The following TOLLIP variants were observed in gnomAD, a reference collection of about 807,000 sequenced individuals.
TOLLIP encodes toll-interacting protein.
TOLLIP carries 16 observed loss-of-function variants against 33.5 expected under a neutral mutation model. That is an observed-to-expected ratio of 0.48 (90% CI 0.32 to 0.72). The LOEUF (loss-of-function observed/expected upper bound fraction) is 0.72. Among genes scored for constraint, TOLLIP ranks in the 30% least tolerant of loss-of-function variants. The pLI, the probability that TOLLIP is intolerant of heterozygous loss-of-function variation, is 0.03. For missense variants in TOLLIP, 325 were observed against 396.6 expected (o/e 0.82, Z 1.53); for synonymous variants, 176 against 163.7 (o/e 1.07, Z -0.57).
chr11:1,287,240 G>A (rs1196159653), intron 4 of TOLLIP, among the ~76,000 whole-genome samples: 1 of 152,228 alleles, frequency 6.6e-6, no homozygotes, highest in Non-Finnish European at 1.5e-5. Flanking sequence ...GCGTCATGAT[G>A]GTTCTGTGTT....
At chr11:1,295,142 G>C (rs1236775955) in intron 2 of TOLLIP, among the ~76,000 whole-genome samples, 1 of 152,248 alleles carries the variant, frequency 6.6e-6, no homozygotes, top group Admixed American at 6.5e-5. Flanking sequence ...CGGTTTTCGT[G>C]TGATCAAAAT....
At chr11:1,282,082 T>C (rs1863520459) in intron 5 of TOLLIP, among the ~76,000 whole-genome samples, 1 of 152,190 alleles carries the variant, frequency 6.6e-6, no homozygotes, top group Non-Finnish European at 1.5e-5. Flanking sequence ...AAAAAATACT[T>C]CAAAGGCTCC....
At chr11:1,279,699 G>C (rs1863433964) in intron 5 of TOLLIP, among the ~76,000 whole-genome samples, 1 of 152,252 alleles carries the variant, frequency 6.6e-6, no homozygotes, top group Non-Finnish European at 1.5e-5. Flanking sequence ...TGAATCTGCT[G>C]TCATATCTTG....
chr11:1,292,147 T>G (rs1333706746), intron 2 of TOLLIP: 1 of 152,270 alleles, frequency 6.6e-6, no homozygotes, highest in Non-Finnish European at 1.5e-5. Flanking sequence ...ATGCTCAGCC[T>G]CTAGCAGCTT....
intron 4 of TOLLIP, among the ~76,000 whole-genome samples, chr11:1,286,662 A>G (rs1391614602): frequency 2.6e-5 from 4 of 151,758 alleles, no homozygotes; most frequent in Admixed American, 6.6e-5. Context: ...TCAACTGTGG[A>G]TAAGTCACTG....
At chr11:1,289,424 C>T (rs186650388) in intron 3 of TOLLIP, among the ~76,000 whole-genome samples, 63 of 152,362 alleles carry the variant, frequency 4.1e-4, no homozygotes, top group Middle Eastern at 3.4e-3. Context: ...GCAGCAGCCT[C>T]GCCACATCCC....
At chr11:1,299,982 T>A (rs1864220249) in intron 1 of TOLLIP, among the ~76,000 whole-genome samples, 1 of 152,174 alleles carries the variant, frequency 6.6e-6, no homozygotes, top group African/African-American at 2.4e-5. Flanking sequence ...GAGGCCTCTG[T>A]CGACACCAAC....
intron 3 of TOLLIP, chr11:1,289,968 G>A (rs1863881133): frequency 2.1e-6 from 1 of 480,022 alleles, no homozygotes; most frequent in South Asian, 2.6e-5. Flanking sequence ...CAGCGGAGGG[G>A]ACACGTGCAC....
At chr11:1,295,389 A>C in intron 2 of TOLLIP, 3 of 354,990 alleles carry the variant, frequency 8.5e-6, no homozygotes, top group East Asian at 4.4e-5. Flanking sequence ...GCCTGGTGGA[A>C]GAGCCAGGCC....
At chr11:1,295,053 C>T (rs536536533) in intron 2 of TOLLIP, among the ~76,000 whole-genome samples, 38 of 129,162 alleles carry the variant, frequency 2.9e-4, no homozygotes, top group African/African-American at 1.1e-3. Context: ...GCGTGGCTCA[C>T]AGTGTGTCTC....
intron 4 of TOLLIP, among the ~76,000 whole-genome samples, chr11:1,287,088 C>T (rs563153436): frequency 3.3e-5 from 5 of 151,236 alleles, no homozygotes; most frequent in Non-Finnish European, 5.9e-5. Context: ...GCACCGCTGC[C>T]GTCTCTGAGT....
At chr11:1,298,543 A>C (rs915869277) in intron 1 of TOLLIP, 6 of 152,284 alleles carry the variant, frequency 3.9e-5, no homozygotes, top group African/African-American at 1.4e-4. Flanking sequence ...GTGTCCGTTA[A>C]AGACAGTGGG....
chr11:1,277,320 T>A lies in TOLLIP; in HGVS notation c.611-67A>T. The stretch of plus-strand genomic sequence containing the variant: ...CCAGAAGTGCCACACTAGCTCCTGC[T>A]GAAGGAAGAAAACAACGCATCCCAC... On this transcript the variant is annotated intron_variant, in intron 5 of 5. Coordinates refer to ENST00000317204, the MANE Select transcript of TOLLIP (RefSeq NM_019009.4). This position sits in a 1 kb window ranked among gnomAD's most constrained non-coding sequence, Gnocchi z 4.2. 7.5e-7 allele frequency: 1 copy of A among 1,328,866 alleles called. No homozygotes were observed. Among genetic ancestry groups the A allele is most frequent in the Non-Finnish European group, 1.0e-6 (1 of 984,752 alleles). 82.3% of individuals were successfully genotyped at this position (1,328,866 alleles called of 1,614,324 possible).
At chr11:1,294,238 C>T (rs1191969208) in intron 2 of TOLLIP, among the ~76,000 whole-genome samples, 5 of 131,106 alleles carry the variant, frequency 3.8e-5, no homozygotes, top group Non-Finnish European at 6.3e-5. Flanking sequence ...TGCATTTCTA[C>T]GAAAGCCCGC....
intron 2 of TOLLIP, among the ~76,000 whole-genome samples, chr11:1,292,754 C>G (rs572819056): frequency 6.6e-6 from 1 of 152,246 alleles, no homozygotes; most frequent in African/African-American, 2.4e-5. Flanking sequence ...ACACGGGCAC[C>G]GCTGCTTTCC....
rs1432156064 is a variant in TOLLIP, at chr11:1,303,117, T to C, written c.33+6349A>G. Among the ~76,000 whole-genome samples the C allele has an allele frequency of 6.6e-6, 1 of 151,574 alleles. No homozygotes were observed. Among genetic ancestry groups the C allele is most frequent in the African/African-American group, 2.4e-5 (1 of 41,182 alleles). On this transcript the variant is annotated intron_variant, in intron 1 of 5. Transcript: ENST00000317204. This position sits in a 1 kb window ranked among gnomAD's most constrained non-coding sequence, Gnocchi z 4.2. ...CGAACCCGTGTAAGCTGAAGAGCGG[T>C]GAAAGGGAAGAGTACAGGACAGAAT... is the stretch of plus-strand genomic sequence containing the variant.
chr11:1,284,395 C>G (rs960082214), intron 5 of TOLLIP, among the ~76,000 whole-genome samples: 1 of 151,920 alleles, frequency 6.6e-6, no homozygotes, highest in Non-Finnish European at 1.5e-5. Flanking sequence ...GTCACCCAGG[C>G]TGGAGTGCAG....
chr11:1,288,860 C>CGAGTCCCCGTCTT, intron 3 of TOLLIP, 84 bp from the exon 4 acceptor site: 2 of 1,467,130 alleles, frequency 1.4e-6, no homozygotes, highest in South Asian at 2.6e-5. Flanking sequence ...GGGCCCGCCT[C>CGAGTCCCCGTCTT]GAGTCCCCGT....
intron 1 of TOLLIP, among the ~76,000 whole-genome samples, chr11:1,300,831 G>A (rs1220287299): frequency 6.6e-6 from 1 of 152,170 alleles, no homozygotes; most frequent in Non-Finnish European, 1.5e-5. Flanking sequence ...ACACGCAGGC[G>A]GCAGGAGACC....
Sources: gnomAD v4.1 joint callset for allele counts (sites outside exome capture counted in the v4.1 genomes callset) on GRCh38, gnomAD v4.1.1 for gene constraint, Gnocchi (gnomAD v3.1) non-coding constraint, MANE v1.5 for transcripts, NCBI Gene and HGNC (gene_info 2026-07-23, HGNC 2026-07-21) for gene names.